ATP8A2: variants seen among roughly 807,000 people sequenced by gnomAD.
ATP8A2 encodes phospholipid-transporting ATPase IB.
Under a neutral mutation model 165.6 loss-of-function variants are expected in ATP8A2, and 100 were observed. That is an observed-to-expected ratio of 0.60 (90% CI 0.51 to 0.71). The LOEUF is 0.71. Among genes scored for constraint, ATP8A2 ranks in the 30% least tolerant of loss-of-function variants. The pLI is 0.00. For missense variants in ATP8A2, 1,227 were observed against 1,479.5 expected, an observed-to-expected ratio of 0.83 and a Z score of 2.80; for synonymous variants, 543 against 548.8, an observed-to-expected ratio of 0.99 and a Z score of 0.15.
chr13:25,908,002 A>T (rs1953993204), intron 33 of ATP8A2, among the ~76,000 whole-genome samples: 1 of 152,280 alleles, frequency 6.6e-6, no homozygotes, highest in African/African-American at 2.4e-5. Flanking sequence ...TAAGACTTTG[A>T]CTTATTTTAG....
chr13:25,576,912 C>T (rs1425639830), intron 19 of ATP8A2, among the ~76,000 whole-genome samples, 157 bp from the exon 20 acceptor site: 3 of 152,016 alleles, frequency 2.0e-5, no homozygotes, highest in African/African-American at 7.2e-5. Context: ...GTAGGAGATA[C>T]ACAGTTAGGT....
intron 2 of ATP8A2, among the ~76,000 whole-genome samples, chr13:25,480,405 G>A (rs1160732523): frequency 6.6e-5 from 10 of 151,734 alleles, no homozygotes; most frequent in South Asian, 2.1e-4. Context: ...CAGACGGGGC[G>A]GTTGCCAGGC....
chr13:25,630,995 C>G (rs2041227904), intron 24 of ATP8A2, among the ~76,000 whole-genome samples: 1 of 152,132 alleles, frequency 6.6e-6, no homozygotes, highest in Admixed American at 6.5e-5. Flanking sequence ...AAATAACTGC[C>G]TGGGTGTCTG....
chr13:25,482,598 G>T (rs770100343), intron 2 of ATP8A2, among the ~76,000 whole-genome samples: 2 of 152,128 alleles, frequency 1.3e-5, no homozygotes, highest in Non-Finnish European at 2.9e-5. Context: ...AAGGTGATGT[G>T]GTTTGGCTCT....
intron 25 of ATP8A2, among the ~76,000 whole-genome samples, chr13:25,748,596 ATC>A (rs1250601645): frequency 8.5e-5 from 13 of 152,162 alleles, no homozygotes; most frequent in Non-Finnish European, 1.9e-4. Context: ...ACGCGGTTTG[ATC>A]TCTTTCTTGT....
intron 1 of ATP8A2, among the ~76,000 whole-genome samples, chr13:25,424,664 T>C (rs1301051339): frequency 6.6e-6 from 1 of 152,166 alleles, no homozygotes; most frequent in African/African-American, 2.4e-5. Context: ...AACCGTTCAA[T>C]AAAGATGGCT....
intron 24 of ATP8A2, among the ~76,000 whole-genome samples, chr13:25,664,953 G>A (rs2042120741): frequency 6.6e-6 from 1 of 151,880 alleles, no homozygotes; most frequent in Non-Finnish European, 1.5e-5. Context: ...CTTGGGTCCA[G>A]AATGTTATAG....
At chr13:25,473,462 G>A (rs897194710) in intron 2 of ATP8A2, among the ~76,000 whole-genome samples, 2 of 152,118 alleles carry the variant, frequency 1.3e-5, no homozygotes, top group East Asian at 3.9e-4. Context: ...GTAAGATTAT[G>A]TATGTGTCCA....
intron 28 of ATP8A2, among the ~76,000 whole-genome samples, chr13:25,831,567 G>A (rs997608250): frequency 6.6e-6 from 1 of 152,116 alleles, no homozygotes; most frequent in African/African-American, 2.4e-5. Context: ...TTGAGGCCGG[G>A]CGTGTTGGCT....
intron 24 of ATP8A2, among the ~76,000 whole-genome samples, chr13:25,669,723 C>A (rs1262262039): frequency 6.6e-6 from 1 of 152,172 alleles, no homozygotes; most frequent in African/African-American, 2.4e-5. Flanking sequence ...TTAGCCTCCA[C>A]CTTCCCTGCT....
At chr13:25,465,186 C>T (rs1486604358) in intron 1 of ATP8A2, among the ~76,000 whole-genome samples, 1 of 152,186 alleles carries the variant, frequency 6.6e-6, no homozygotes, top group African/African-American at 2.4e-5. Context: ...TCATAATGTG[C>T]TTTGCTGTAG....
At position 26,012,517 on chromosome 13, in the gene ATP8A2, T is replaced by A; in HGVS notation, c.3378-14T>A. On this transcript the variant is annotated splice_polypyrimidine_tract_variant and intron_variant, in intron 35 of 36. Transcript: ENST00000381655. ...TCAGGTGACAAGAGACTGACGCGCT[T>A]GCTTTATCCGCAGGCTGAACGAGCG... The A allele has an allele frequency of 1.3e-6, 2 of 1,538,394 alleles. No homozygotes were observed. The highest frequency in any genetic ancestry group is 1.8e-6 in the Non-Finnish European group (2 of 1,140,738).
At chr13:25,513,991 G>C (rs2037379697) in intron 2 of ATP8A2, among the ~76,000 whole-genome samples, 1 of 147,834 alleles carries the variant, frequency 6.8e-6, no homozygotes, top group South Asian at 2.2e-4. Flanking sequence ...AGAGGGGGAG[G>C]GGGAGGGGGA....
intron 33 of ATP8A2, among the ~76,000 whole-genome samples, chr13:25,881,146 T>C (rs1453130730): frequency 6.6e-6 from 1 of 152,224 alleles, no homozygotes; most frequent in Admixed American, 6.5e-5. Context: ...CATTTTTTTT[T>C]CTCCCTGCCC....
At chr13:25,676,230 T>C (rs533806366) in intron 24 of ATP8A2, among the ~76,000 whole-genome samples, 8 of 152,338 alleles carry the variant, frequency 5.3e-5, no homozygotes, top group Admixed American at 3.9e-4. Context: ...ATCATAAGCA[T>C]AGATGTCTTT....
intron 30 of ATP8A2, among the ~76,000 whole-genome samples, chr13:25,855,144 G>C (rs1050945730): frequency 5.9e-5 from 9 of 152,000 alleles, no homozygotes. Flanking sequence ...CCAGCTACTT[G>C]GGAGGCTGAA....
chr13:25,959,137 T>C (rs1187140787), intron 33 of ATP8A2, among the ~76,000 whole-genome samples: 2 of 152,228 alleles, frequency 1.3e-5, no homozygotes, highest in African/African-American at 4.8e-5. Flanking sequence ...AGACCCTGTT[T>C]ACCCTGCAGG....
chr13:25,806,382 A>C (rs1290607749), intron 27 of ATP8A2, among the ~76,000 whole-genome samples: 1 of 152,058 alleles, frequency 6.6e-6, no homozygotes, highest in Non-Finnish European at 1.5e-5. Context: ...GCATTTGCGC[A>C]GGCCCACTTG....
At chr13:25,574,912 T>A in intron 19 of ATP8A2, 55 bp downstream of exon 19, 2 of 996,064 alleles carry the variant, frequency 2.0e-6, no homozygotes, top group South Asian at 1.4e-5. Context: ...TTTACCAGCT[T>A]CATCAGAGTG....
Sources: allele counts gnomAD v4.1 joint callset (sites outside exome capture counted in the v4.1 genomes callset), GRCh38; gene constraint gnomAD v4.1.1; transcripts MANE v1.5; gene names NCBI Gene and HGNC (gene_info 2026-07-23, HGNC 2026-07-21).